The following AQR variants were observed in gnomAD, a reference collection of about 807,000 sequenced individuals.
AQR encodes aquarius intron-binding spliceosomal factor.
In AQR, 61 loss-of-function variants were observed where a neutral mutation model predicts 180.5. The observed-to-expected ratio is 0.34, with a 90% confidence interval of 0.28 to 0.42. The LOEUF (loss-of-function observed/expected upper bound fraction) is 0.42, where lower values mean the gene tolerates loss of function less well. Ranked by LOEUF, AQR falls within the 10% of genes least tolerant of loss-of-function variation. The pLI is 1.00. For synonymous variants in AQR, 551 were observed against 588.8 expected (o/e 0.94, Z 0.93); for missense variants, 1,281 against 1,798.3 (o/e 0.71, Z 5.20).
At chr15:34,877,241 C>A (rs113835992) in intron 27 of AQR, among the ~76,000 whole-genome samples, 1 of 152,268 alleles carries the variant, frequency 6.6e-6, no homozygotes, top group East Asian at 1.9e-4. Flanking sequence ...TAATTCTGAT[C>A]GCTACTTAGT....
chr15:34,886,618 A>G lies in AQR; in HGVS notation c.2725T>C (p.Leu909=), dbSNP rs1370484654. ...TTTTGCAATCGTTTGACTTCTTCTA[A>G]AAGTTCTATTCTTCGAGCCAGAACA... is the stretch of plus-strand genomic sequence containing the variant. The part of the protein sequence containing the change: ...NYVLARRIEL[L]EEVKRLQKSL... The change falls in exon 25 of 35, where the codon TTA becomes CTA. Residue 909 remains leucine, a synonymous_variant. Transcript: ENST00000156471. 6.2e-7 allele frequency: 1 copy of G among 1,614,004 alleles called. No individual in the cohort carries two copies.
chr15:34,874,574 T>G, intron 29 of AQR, 103 bp downstream of exon 29: 2 of 1,396,692 alleles, frequency 1.4e-6, no homozygotes, highest in Non-Finnish European at 2.0e-6. Flanking sequence ...AGTTCCTGGA[T>G]AGCCAAGAAT....
chr15:34,946,213 G>C (rs1894110781), intron 5 of AQR, among the ~76,000 whole-genome samples: 1 of 152,242 alleles, frequency 6.6e-6, no homozygotes, highest in African/African-American at 2.4e-5. Context: ...AGATGTTGCA[G>C]TGAGCTGAGA....
chr15:34,893,794 T>G (rs371610183), intron 22 of AQR, 21 bp from the exon 23 acceptor site: 1 of 1,590,416 alleles, frequency 6.3e-7, no homozygotes, highest in Admixed American at 1.7e-5. Context: ...GATGAACACA[T>G]AGCAAACTAC....
intron 33 of AQR, among the ~76,000 whole-genome samples, chr15:34,862,017 A>G (rs1464148954): frequency 6.6e-6 from 1 of 152,182 alleles, no homozygotes; most frequent in Non-Finnish European, 1.5e-5. Flanking sequence ...ATAATATAAA[A>G]GTAACATATC....
intron 15 of AQR, 103 bp from the exon 16 acceptor site, chr15:34,915,282 C>A: frequency 8.6e-7 from 1 of 1,168,166 alleles, no homozygotes; most frequent in Non-Finnish European, 1.2e-6. Context: ...CCTCCGCCTC[C>A]CAGATTCAAG....
intron 31 of AQR, chr15:34,869,755 A>G (rs2140461061): frequency 6.6e-6 from 1 of 151,784 alleles, no homozygotes; most frequent in Non-Finnish European, 1.5e-5. Context: ...CTCTGATTTT[A>G]TTTTCTTCCA....
chr15:34,926,911 C>T (rs1323221965), intron 13 of AQR, 124 bp downstream of exon 13: 29 of 483,548 alleles, frequency 6.0e-5, no homozygotes, highest in Non-Finnish European at 7.6e-5. Context: ...TAGACGTCAA[C>T]GAAGAGTGAA....
In AQR at chr15:34,943,081, T is replaced by C. The variant is rs368806795; in HGVS notation, c.472-1001A>G. The stretch of plus-strand genomic sequence containing the variant: ...TGTGCCGATAACGCTCACGCAAGCA[T>C]GGTTAACGTCCCTAAAACCCGCCGG... On this transcript the variant is annotated intron_variant, in intron 6 of 34. Transcript: ENST00000156471. 24 of 1,611,550 alleles carry C rather than the reference T, an allele frequency of 1.5e-5. No individual in the cohort carries two copies. The African/African-American group carries it at 2.7e-4, about 18-fold the overall frequency.
In AQR at chr15:34,948,395, TAAA is replaced by T; in HGVS notation, c.210-14_210-12del. On this transcript the variant is annotated splice_polypyrimidine_tract_variant and intron_variant, in intron 4 of 34. Coordinates refer to ENST00000156471, the MANE Select transcript of AQR (RefSeq NM_014691.3). ...TTTTCAAGATACTGGCTGTAAAGAG[TAAA>T]AAGCATAGAATACTTCATTAGTTAC... 1.9e-6 allele frequency: 3 copies of T among 1,610,104 alleles called. No homozygotes were observed. Among genetic ancestry groups the T allele is most frequent in the Non-Finnish European group, 2.5e-6 (3 of 1,179,424 alleles).
intron 27 of AQR, 107 bp from the exon 28 acceptor site, chr15:34,876,113 T>C (rs1488988119): frequency 2.5e-6 from 2 of 789,180 alleles, no homozygotes; most frequent in Non-Finnish European, 4.2e-6. Flanking sequence ...AAAAACGACA[T>C]ACAAATTATT....
At chr15:34,944,461 T>C in intron 5 of AQR, 33 bp from the exon 6 acceptor site, 3 of 1,573,874 alleles carry the variant, frequency 1.9e-6, no homozygotes, top group Non-Finnish European at 2.6e-6. Context: ...TCATTTTGTA[T>C]TGGCTTGCTC....
chr15:34,942,966 C>A, intron 6 of AQR: 1 of 1,197,698 alleles, frequency 8.3e-7, no homozygotes, highest in South Asian at 1.4e-5. Flanking sequence ...CTAATAAAAT[C>A]TTGTTTCTGT....
At chr15:34,886,220 A>G (rs1293630372) in intron 25 of AQR, among the ~76,000 whole-genome samples, 1 of 152,192 alleles carries the variant, frequency 6.6e-6, no homozygotes, top group Non-Finnish European at 1.5e-5. Context: ...ATATTTATTT[A>G]GTTGTATTTC....
intron 22 of AQR, among the ~76,000 whole-genome samples, chr15:34,894,316 T>A (rs1211988748): frequency 6.6e-6 from 1 of 152,084 alleles, no homozygotes; most frequent in Non-Finnish European, 1.5e-5. Context: ...GGATTTGTCA[T>A]CAGAAAACAT....
chr15:34,887,851 G>A (rs188090918), intron 24 of AQR, among the ~76,000 whole-genome samples: 2 of 152,236 alleles, frequency 1.3e-5, no homozygotes, highest in Non-Finnish European at 2.9e-5. Flanking sequence ...TTTCAACTTG[G>A]AAGGATATAA....
At chr15:34,881,742 A>T (rs908507748) in intron 27 of AQR, among the ~76,000 whole-genome samples, 5 of 152,178 alleles carry the variant, frequency 3.3e-5, no homozygotes, top group Admixed American at 3.3e-4. Flanking sequence ...GAATGGTTGT[A>T]TGTTTAATAT....
At chr15:34,948,076 A>G in intron 5 of AQR, 188 bp downstream of exon 5, 1 of 540,304 alleles carries the variant, frequency 1.9e-6, no homozygotes, top group Non-Finnish European at 3.0e-6. Context: ...AAATTATTAA[A>G]TCGTTTGAAG....
intron 18 of AQR, among the ~76,000 whole-genome samples, chr15:34,906,341 AGC>A (rs1893416922): frequency 6.6e-6 from 1 of 152,228 alleles, no homozygotes; most frequent in Non-Finnish European, 1.5e-5. Flanking sequence ...ACTGAACTCC[AGC>A]CTGTGTGACA....
Sources: allele counts gnomAD v4.1 joint callset (sites outside exome capture counted in the v4.1 genomes callset), GRCh38; gene constraint gnomAD v4.1.1; transcripts MANE v1.5; gene names NCBI Gene and HGNC (gene_info 2026-07-23, HGNC 2026-07-21).